VWF: variants seen among roughly 807,000 people sequenced by gnomAD.
VWF encodes the protein von Willebrand factor.
Under a neutral mutation model 308.6 loss-of-function variants are expected in VWF, and 176 were observed. The observed-to-expected ratio is 0.57, with a 90% confidence interval of 0.50 to 0.65. VWF has a LOEUF of 0.65. Among genes scored for constraint, VWF ranks in the 30% least tolerant of loss-of-function variants. VWF has a pLI of 0.00. For missense variants in VWF, 3,146 were observed against 3,648.2 expected, an observed-to-expected ratio of 0.86 and a Z score of 3.55; for synonymous variants, 1,385 against 1,443.4, an observed-to-expected ratio of 0.96 and a Z score of 0.92.
At chr12:5,964,266 A>ACATACATGCATG in intron 47 of VWF, among the ~76,000 whole-genome samples, 1 of 142,834 alleles carries the variant, frequency 7.0e-6, no homozygotes, top group African/African-American at 3.0e-5. Context: ...ATACATACAT[A>ACATACATGCATG]CATACATGCA....
At chr12:6,080,769 C>G (rs1300209969) in intron 6 of VWF, among the ~76,000 whole-genome samples, 1 of 152,236 alleles carries the variant, frequency 6.6e-6, no homozygotes, top group African/African-American at 2.4e-5. Flanking sequence ...CCAAGCTCTC[C>G]TTGAGTAGGT....
intron 40 of VWF, among the ~76,000 whole-genome samples, chr12:5,983,987 GATAGATAGATAGATA>G (rs1444683352): frequency 8.4e-5 from 9 of 106,804 alleles, no homozygotes; most frequent in South Asian, 3.4e-4. Context: ...TAGATAGATA[GATAGATAGATAGATA>G]GATAGATAGA....
chr12:6,045,728 C>A (rs1006465342), intron 17 of VWF, among the ~76,000 whole-genome samples: 2 of 152,166 alleles, frequency 1.3e-5, no homozygotes, highest in African/African-American at 4.8e-5. Flanking sequence ...ACAGAAGGAG[C>A]CTTGTGGAAA....
chr12:5,957,951 G>A (rs986031135), intron 47 of VWF, among the ~76,000 whole-genome samples: 3 of 152,098 alleles, frequency 2.0e-5, no homozygotes, highest in Non-Finnish European at 4.4e-5. Context: ...GAAGTAAACT[G>A]TATGACAACA....
intron 50 of VWF, among the ~76,000 whole-genome samples, 157 bp from the exon 51 acceptor site, chr12:5,950,040 C>T (rs558921260): frequency 6.6e-6 from 1 of 152,340 alleles, no homozygotes; most frequent in East Asian, 1.9e-4. Flanking sequence ...TGGTTCACCT[C>T]AGCTGTTCCT....
Position 5,949,863 on chromosome 12 carries a change from C to CAG in VWF, c.8175_8176insCT (p.Asp2726LeufsTer19). ...ACATACTGCAGCCTGGCAGTGATGTCGTTGCACTCAGGCTCCTCACCTACA... is the reference window on the plus strand; with the variant it reads ...ACATACTGCAGCCTGGCAGTGATGTCAGGTTGCACTCAGGCTCCTCACCTACA... On this transcript the variant is annotated frameshift_variant, in exon 51 of 52. Coordinates refer to ENST00000261405, the MANE Select transcript of VWF (RefSeq NM_000552.5). LOFTEE classifies it high-confidence loss of function. 1 of 1,613,790 alleles carries CAG rather than the reference C, an allele frequency of 6.2e-7. No homozygotes were observed. Among genetic ancestry groups the CAG allele is most frequent in the Admixed American group, 1.7e-5 (1 of 60,016 alleles).
chr12:6,109,807 C>A (rs900781455), intron 5 of VWF, among the ~76,000 whole-genome samples: 1 of 152,162 alleles, frequency 6.6e-6, no homozygotes, highest in Non-Finnish European at 1.5e-5. Context: ...CCCGCCACCA[C>A]GCCTGGCTAA....
intron 3 of VWF, 84 bp from the exon 4 acceptor site, chr12:6,111,052 C>T (rs1030791393): frequency 6.1e-6 from 8 of 1,313,444 alleles, no homozygotes; most frequent in African/African-American, 4.4e-5. Context: ...ATCTACGTAA[C>T]CTTTTCTCAG....
chr12:6,092,872 T>A (rs1945065413), intron 6 of VWF, among the ~76,000 whole-genome samples: 1 of 152,076 alleles, frequency 6.6e-6, no homozygotes, highest in Non-Finnish European at 1.5e-5. Flanking sequence ...TTGCTTACTG[T>A]ATATGCAAAT....
At position 6,019,080 on chromosome 12, in the gene VWF, C is replaced by T; in HGVS notation, c.4338G>A (p.Leu1446=). 1 of 1,613,874 alleles carries T rather than the reference C, an allele frequency of 6.2e-7. No homozygotes were observed. Among genetic ancestry groups the T allele is most frequent in the South Asian group, 1.1e-5 (1 of 91,060 alleles). ...TAACGATCTCGTCCCTTTGCTGCTC[C>T]AGCTCATCCACACTGCTCAGCACGA... ...KAFVLSSVDE[L]EQQRDEIVSY... is the part of the protein sequence containing the mutation. Residue 1446 remains leucine (L), a synonymous_variant, in exon 28 of 52, where the codon CTG becomes CTA. Transcript: ENST00000261405. This position sits in a 1 kb window ranked among gnomAD's most constrained non-coding sequence, Gnocchi z 5.8.
At chr12:6,035,355 G>C (rs1343912395) in intron 19 of VWF, among the ~76,000 whole-genome samples, 1 of 152,186 alleles carries the variant, frequency 6.6e-6, no homozygotes, top group African/African-American at 2.4e-5. Context: ...GTAGCTACAT[G>C]TTAAAATCTA....
At position 6,058,165 on chromosome 12, in the gene VWF, T is replaced by C; in HGVS notation, c.1534-121A>G. 1 of 998,216 alleles carries C rather than the reference T, an allele frequency of 1.0e-6. No homozygotes were observed. The highest frequency in any genetic ancestry group is 1.4e-6 in the Non-Finnish European group (1 of 692,572). The allele number at this position is 998,216 out of a possible 1,614,324, so 61.8% of individuals were successfully genotyped here. ...TCCCCGGGTGAAACATAAATATGAA[T>C]GTAATAAAAGGCAGCTAAGCCCTAG... On this transcript the variant is annotated intron_variant, in intron 13 of 51. Coordinates refer to ENST00000261405, the MANE Select transcript of VWF (RefSeq NM_000552.5). The surrounding 1 kb of genome is among the most constrained non-coding windows in gnomAD (Gnocchi z 4.9).
intron 19 of VWF, among the ~76,000 whole-genome samples, chr12:6,036,068 C>T (rs1944333242): frequency 6.6e-6 from 1 of 152,180 alleles, no homozygotes; most frequent in Admixed American, 6.5e-5. Context: ...TAGGTCCCAT[C>T]CCTAAGACAC....
intron 43 of VWF, among the ~76,000 whole-genome samples, chr12:5,974,927 C>G (rs987224890): frequency 2.6e-5 from 4 of 152,222 alleles, no homozygotes; most frequent in Non-Finnish European, 5.9e-5. Flanking sequence ...CAAAACTCCC[C>G]ACTGAAACAC....
At chr12:5,953,667 T>C (rs1162393478) in intron 47 of VWF, 73 bp from the exon 48 acceptor site, 1 of 1,251,984 alleles carries the variant, frequency 8.0e-7, no homozygotes, top group African/African-American at 1.5e-5. Flanking sequence ...AGGCTGATTT[T>C]GCTGGCCTCT....
chr12:6,079,272 A>T (rs1427182653), intron 6 of VWF, among the ~76,000 whole-genome samples: 1 of 152,200 alleles, frequency 6.6e-6, no homozygotes, highest in African/African-American at 2.4e-5. Flanking sequence ...TGCCACAGGT[A>T]GCCCTGCCAG....
rs556938700 is a variant in VWF, at chr12:6,121,980, C to G, written c.56-642G>C. 6.6e-5 allele frequency among the ~76,000 whole-genome samples: 10 copies of G among 151,954 alleles called. No homozygotes were observed. In the South Asian group the frequency reaches 2.1e-3, roughly 32 times the overall value. On this transcript the variant is annotated intron_variant, in intron 2 of 51. Coordinates refer to ENST00000261405, the MANE Select transcript of VWF (RefSeq NM_000552.5). Reference sequence around the variant, plus strand: ...AAAAGAAAAGACAAAGAAGTTAAAACCATCTGTAACCCAACATTCAGCGAT... The same window carrying G: ...AAAAGAAAAGACAAAGAAGTTAAAAGCATCTGTAACCCAACATTCAGCGAT...
At chr12:6,068,369 A>T (rs1949538183) in intron 10 of VWF, among the ~76,000 whole-genome samples, 1 of 152,078 alleles carries the variant, frequency 6.6e-6, no homozygotes, top group African/African-American at 2.4e-5. Context: ...TCCCTGCAGA[A>T]ATGCCCAACC....
intron 17 of VWF, among the ~76,000 whole-genome samples, 168 bp from the exon 18 acceptor site, chr12:6,044,619 A>T (rs1268816467): frequency 6.6e-6 from 1 of 152,144 alleles, no homozygotes; most frequent in Non-Finnish European, 1.5e-5. Flanking sequence ...TGGGACTGGG[A>T]GGGCATCTTC....
Sources: gnomAD v4.1 joint callset for allele counts (sites outside exome capture counted in the v4.1 genomes callset) on GRCh38, gnomAD v4.1.1 for gene constraint, Gnocchi (gnomAD v3.1) non-coding constraint, MANE v1.5 for transcripts, NCBI Gene and HGNC (gene_info 2026-07-23, HGNC 2026-07-21) for gene names.